ZNF678: variants seen among roughly 807,000 people sequenced by gnomAD.
ZNF678 encodes the protein hypothetical protein MGC42493.
ZNF678 carries 5 observed loss-of-function variants against 3.0 expected under a neutral mutation model. The ratio of observed to expected loss-of-function variants is 1.69; its 90% confidence interval spans 0.88 to 3.56. The LOEUF is 3.56. Among genes scored for constraint, ZNF678 ranks in the 30% most tolerant of loss-of-function variants. The pLI is 0.00. For synonymous variants in ZNF678, 218 were observed against 199.6 expected, an observed-to-expected ratio of 1.09 and a Z score of -0.78; for missense variants, 593 against 605.0, an observed-to-expected ratio of 0.98 and a Z score of 0.21.
intron 1 of ZNF678, among the ~76,000 whole-genome samples, chr1:227,632,523 C>T (rs1658572347): frequency 6.6e-6 from 1 of 152,086 alleles, no homozygotes; most frequent in Non-Finnish European, 1.5e-5. Context: ...CTTTCTGCCT[C>T]TAGTCGGCCC....
At chr1:227,631,085 G>T (rs1236541668) in intron 1 of ZNF678, among the ~76,000 whole-genome samples, 1 of 152,058 alleles carries the variant, frequency 6.6e-6, no homozygotes, top group South Asian at 2.1e-4. Flanking sequence ...GGTCAAATTG[G>T]CCCAATTCTC....
intron 1 of ZNF678, among the ~76,000 whole-genome samples, chr1:227,581,961 G>T (rs1657139772): frequency 6.6e-6 from 1 of 152,168 alleles, no homozygotes; most frequent in East Asian, 1.9e-4. Context: ...TGGTGGCTAT[G>T]TAACTGAACT....
At chr1:227,637,548 A>T (rs1658710456) in intron 1 of ZNF678, among the ~76,000 whole-genome samples, 1 of 152,152 alleles carries the variant, frequency 6.6e-6, no homozygotes, top group Admixed American at 6.5e-5. Context: ...ACTAGGTTAG[A>T]ACACCTAATG....
downstream of ZNF678, among the ~76,000 whole-genome samples, chr1:227,663,225 T>A (rs1291251776): frequency 6.6e-6 from 1 of 152,222 alleles, no homozygotes; most frequent in Non-Finnish European, 1.5e-5. Context: ...GAGTTTGTGA[T>A]GCTGTATTAT....
chr1:227,676,921 T>C (rs1659697713), intron 5 of ZNF678, among the ~76,000 whole-genome samples: 1 of 152,172 alleles, frequency 6.6e-6, no homozygotes, highest in South Asian at 2.1e-4. Context: ...CAGTCTATCA[T>C]TGTTGGACAT....
At chr1:227,578,811 G>A (rs185640149) in intron 1 of ZNF678, among the ~76,000 whole-genome samples, 18 of 152,306 alleles carry the variant, frequency 1.2e-4, no homozygotes, top group African/African-American at 4.1e-4. Flanking sequence ...AGGAAAGAAA[G>A]CACTCTAGCT....
intron 1 of ZNF678, among the ~76,000 whole-genome samples, chr1:227,645,949 T>C (rs1658945821): frequency 6.6e-6 from 1 of 152,222 alleles, no homozygotes; most frequent in Non-Finnish European, 1.5e-5. Context: ...CACATTTAAT[T>C]TGGAAGTTCT....
At position 227,629,190 on chromosome 1, in the gene ZNF678, A is replaced by G. The variant is rs149363602; in HGVS notation, c.-163-17354A>G. On this transcript the variant is annotated intron_variant, in intron 1 of 3. Transcript: ENST00000343776. Reference sequence around the variant, plus strand: ...GGAGTCCTTCTTGTGCCTCGGGTCTAAGGGGGTACTGCCTTTGGTAGGGAA... The same window carrying G: ...GGAGTCCTTCTTGTGCCTCGGGTCTGAGGGGGTACTGCCTTTGGTAGGGAA... 7.6e-3 allele frequency among the ~76,000 whole-genome samples: 1,153 copies of G among 152,212 alleles called. 4 individuals are homozygous for G. Among genetic ancestry groups the G allele is most frequent in the Middle Eastern group, 0.024 (7 of 294 alleles).
At chr1:227,679,517 C>A (rs187744957), downstream of ZNF678, among the ~76,000 whole-genome samples, 749 of 151,172 alleles carry the variant, frequency 5.0e-3, 11 homozygotes, top group African/African-American at 0.018. Flanking sequence ...TCACGTACCC[C>A]CTGCTTGCTC....
chr1:227,623,825 A>G (rs1255846378), intron 1 of ZNF678, among the ~76,000 whole-genome samples: 1 of 152,192 alleles, frequency 6.6e-6, no homozygotes, highest in African/African-American at 2.4e-5. Flanking sequence ...GGAAATGAAC[A>G]TAGTCTTACT....
chr1:227,602,110 A>G (rs543003862), intron 1 of ZNF678, among the ~76,000 whole-genome samples: 1 of 152,288 alleles, frequency 6.6e-6, no homozygotes, highest in African/African-American at 2.4e-5. Flanking sequence ...TATGTTGAAT[A>G]GGAGTGGTTA....
rs1429824953 is a variant in ZNF678 at position 227,661,296 on chromosome 1, GTTT to G, written c.*5471_*5473del. The G allele has an allele frequency of 2.7e-4, 34 of 123,684 alleles. No homozygotes were observed. Among genetic ancestry groups the G allele is most frequent in the Admixed American group, 2.3e-3 (24 of 10,662 alleles). The allele number at this position is 123,684 out of a possible 1,614,324, so 7.7% of individuals were successfully genotyped here. A position where few individuals can be genotyped will look rare whatever the true frequency, so the allele number is the denominator to read the frequency against. On this transcript the variant is annotated 3_prime_UTR_variant, in exon 4 of 4. Coordinates refer to ENST00000343776, the MANE Select transcript of ZNF678 (RefSeq NM_001367909.1). ...TTTTTTTGTTGTTTTGTTTTGTTTT[GTTT>G]TTGTTGTTGTTGTTGTTGTTGTTTA...
chr1:227,585,786 A>C (rs1441237070), intron 1 of ZNF678, among the ~76,000 whole-genome samples: 1 of 152,062 alleles, frequency 6.6e-6, no homozygotes, highest in Non-Finnish European at 1.5e-5. Context: ...CCCAAAAAAA[A>C]ACAAAAATGT....
At chr1:227,627,019 G>A (rs1658436248) in intron 1 of ZNF678, among the ~76,000 whole-genome samples, 1 of 149,938 alleles carries the variant, frequency 6.7e-6, no homozygotes, top group Non-Finnish European at 1.5e-5. Context: ...ATTTGGGCAT[G>A]TGGGTAAAAT....
intron 1 of ZNF678, among the ~76,000 whole-genome samples, chr1:227,633,952 C>T (rs1658613846): frequency 6.6e-6 from 1 of 152,130 alleles, no homozygotes; most frequent in Non-Finnish European, 1.5e-5. Context: ...CTCATGTCTC[C>T]AAAAAGAGAC....
intron 5 of ZNF678, among the ~76,000 whole-genome samples, chr1:227,668,667 G>A (rs970114600): frequency 1.3e-5 from 2 of 152,154 alleles, no homozygotes; most frequent in African/African-American, 4.8e-5. Context: ...ACACTTGACT[G>A]TGTTCACAGT....
intron 1 of ZNF678, among the ~76,000 whole-genome samples, chr1:227,579,339 C>G (rs544207256): frequency 6.6e-6 from 1 of 152,104 alleles, no homozygotes; most frequent in South Asian, 2.1e-4. Flanking sequence ...AATCTGTGCC[C>G]TACAAGCACA....
chr1:227,640,954 T>C (rs1401543708), intron 1 of ZNF678, among the ~76,000 whole-genome samples: 1 of 152,224 alleles, frequency 6.6e-6, no homozygotes, highest in Non-Finnish European at 1.5e-5. Flanking sequence ...TAAGACCAGA[T>C]GATCATTGAG....
intron 1 of ZNF678, among the ~76,000 whole-genome samples, chr1:227,584,307 A>G (rs2102731274): frequency 6.6e-6 from 1 of 152,332 alleles, no homozygotes; most frequent in East Asian, 1.9e-4. Flanking sequence ...TAGGAAAATT[A>G]ATGACTACCT....
Sources: allele counts gnomAD v4.1 joint callset (sites outside exome capture counted in the v4.1 genomes callset), GRCh38; gene constraint gnomAD v4.1.1; transcripts MANE v1.5; gene names NCBI Gene and HGNC (gene_info 2026-07-23, HGNC 2026-07-21).